M1AP: variants seen among roughly 807,000 people sequenced by gnomAD.
M1AP encodes the protein meiosis 1 arrest protein.
In M1AP, 39 loss-of-function variants were observed where a neutral mutation model predicts 51.2. That is an observed-to-expected ratio of 0.76 (90% CI 0.59 to 1.00). The LOEUF (loss-of-function observed/expected upper bound fraction) is 1.00. Among genes scored for constraint, M1AP ranks in the 50% least tolerant of loss-of-function variants. The pLI is 0.00. For synonymous variants in M1AP, 251 were observed against 249.2 expected (o/e 1.01, Z -0.07); for missense variants, 545 against 641.2 (o/e 0.85, Z 1.62).
intron 4 of M1AP, among the ~76,000 whole-genome samples, chr2:74,587,499 T>C (rs1679783361): frequency 6.6e-6 from 1 of 152,166 alleles, no homozygotes; most frequent in African/African-American, 2.4e-5. Flanking sequence ...CGCCTGGCCA[T>C]ATGTTTTCCT....
In M1AP at chr2:74,615,045, T is replaced by G; in HGVS notation, c.345A>C (p.Ala115=). The change falls in exon 3 of 11, where the codon GCA becomes GCC. Residue 115 remains alanine, a synonymous_variant. Transcript: ENST00000421985. The part of the protein sequence containing the change: ...FRSQGASLRL[A]VEDGLQQFKQ... ...TGAATTGCTGGAGCCCATCCTCTAC[T>G]GCCAGCCGCAGAGAAGCACCTTGTG... 1.2e-6 allele frequency: 2 copies of G among 1,614,176 alleles called. No individual in the cohort carries two copies. Among genetic ancestry groups the G allele is most frequent in the Non-Finnish European group, 1.7e-6 (2 of 1,180,020 alleles).
chr2:74,576,935 G>GAGGAA, intron 5 of M1AP: 1 of 1,105,296 alleles, frequency 9.0e-7, no homozygotes, highest in South Asian at 2.7e-5. Flanking sequence ...GAGACATCTG[G>GAGGAA]CTTGTGATCC....
At chr2:74,644,093 C>T (rs1471785035) in intron 1 of M1AP, among the ~76,000 whole-genome samples, 1 of 152,054 alleles carries the variant, frequency 6.6e-6, no homozygotes, top group Non-Finnish European at 1.5e-5. Context: ...ATGTCCCCAC[C>T]TCTGAGAACT....
chr2:74,642,814 C>T (rs910431457), intron 1 of M1AP, among the ~76,000 whole-genome samples: 1 of 152,148 alleles, frequency 6.6e-6, no homozygotes, highest in African/African-American at 2.4e-5. Flanking sequence ...CTATCGATGA[C>T]AAAGTTTCCC....
At chr2:74,578,479 C>T (rs1327693975) in intron 5 of M1AP, among the ~76,000 whole-genome samples, 3 of 149,280 alleles carry the variant, frequency 2.0e-5, no homozygotes, top group Non-Finnish European at 4.4e-5. Context: ...TTTATAAGTT[C>T]CCCATGTGAT....
At chr2:74,565,825 TCA>T (rs72206117) in intron 7 of M1AP, among the ~76,000 whole-genome samples, 73,425 of 137,716 alleles carry the variant, frequency 0.53, 21,634 homozygotes, top group Non-Finnish European at 0.68. Flanking sequence ...TGAGATGCCG[TCA>T]CACACACACA....
rs363706 is a variant in M1AP, at chr2:74,647,335, A to T, written c.-53+930T>A. On this transcript the variant is annotated intron_variant, in intron 1 of 10. Transcript: ENST00000421985. Reference sequence around the variant, plus strand: ...GCGGATGTTCTGTTCCGTGCTGAGCATTCTAGGTTAGGGCCCCTTTACAAG... The same window carrying T: ...GCGGATGTTCTGTTCCGTGCTGAGCTTTCTAGGTTAGGGCCCCTTTACAAG... 27,569 of 985,152 alleles carry T rather than the reference A, an allele frequency of 0.028. 2,965 individuals carry two copies. In the African/African-American group the frequency reaches 0.31, roughly 11 times the overall value. 61.0% of individuals were successfully genotyped at this position (985,152 alleles called of 1,614,324 possible).
At chr2:74,583,343 G>C (rs1486025369) in intron 4 of M1AP, among the ~76,000 whole-genome samples, 2 of 152,190 alleles carry the variant, frequency 1.3e-5, no homozygotes, top group East Asian at 3.8e-4. Flanking sequence ...TCACAAGTGT[G>C]GTTAACAGCA....
At chr2:74,579,327 G>T (rs1282224876) in intron 5 of M1AP, among the ~76,000 whole-genome samples, 2 of 152,216 alleles carry the variant, frequency 1.3e-5, no homozygotes, top group East Asian at 3.8e-4. Context: ...TAGCCCCTTT[G>T]TTCAGAATTG....
intron 2 of M1AP, among the ~76,000 whole-genome samples, chr2:74,639,331 C>T (rs140699267): frequency 1.1e-3 from 172 of 152,252 alleles, no homozygotes; most frequent in African/African-American, 4.0e-3. Context: ...CATTTGATAA[C>T]GTATATTAGC....
At chr2:74,571,991 C>T (rs1678772290) in intron 7 of M1AP, among the ~76,000 whole-genome samples, 1 of 149,678 alleles carries the variant, frequency 6.7e-6, no homozygotes. Flanking sequence ...GAGCGAAACT[C>T]CGTCTCAAAA....
intron 4 of M1AP, among the ~76,000 whole-genome samples, chr2:74,588,042 ATAGAGGCCCAGGAAAG>A (rs1558662650): frequency 6.6e-6 from 1 of 152,204 alleles, no homozygotes; most frequent in Non-Finnish European, 1.5e-5. Flanking sequence ...CACATAAAAT[ATAGAGGCCCAGGAAAG>A]TAGAGGCCCA....
At chr2:74,630,599 T>C (rs1319200071) in intron 2 of M1AP, among the ~76,000 whole-genome samples, 1 of 152,228 alleles carries the variant, frequency 6.6e-6, no homozygotes, top group Non-Finnish European at 1.5e-5. Flanking sequence ...TTTCTGTTCC[T>C]GTGTTAGTTT....
chr2:74,619,141 A>T (rs1681855786), intron 2 of M1AP: 1 of 274,180 alleles, frequency 3.6e-6, no homozygotes, highest in East Asian at 9.6e-5. Context: ...CAGGTCCTTC[A>T]GCTAAATGTC....
chr2:74,641,986 C>G (rs536435375), intron 1 of M1AP, among the ~76,000 whole-genome samples: 1 of 151,930 alleles, frequency 6.6e-6, no homozygotes, highest in African/African-American at 2.4e-5. Flanking sequence ...GCTGGGATTA[C>G]AGGCATGTGC....
At chr2:74,575,634 C>A (rs1679019527) in intron 6 of M1AP, 55 bp from the exon 7 acceptor site, 2 of 1,368,170 alleles carry the variant, frequency 1.5e-6, no homozygotes, top group South Asian at 2.4e-5. Context: ...GAACCTCCAC[C>A]TAGATCCACT....
At chr2:74,640,369 T>C (rs1297633272) in intron 1 of M1AP, 42 bp from the exon 2 acceptor site, 1 of 1,470,978 alleles carries the variant, frequency 6.8e-7, no homozygotes, top group Non-Finnish European at 9.2e-7. Flanking sequence ...TCAAACTGAA[T>C]TATGTGTGCT....
intron 2 of M1AP, among the ~76,000 whole-genome samples, chr2:74,623,269 C>T (rs1359288419): frequency 2.0e-5 from 3 of 151,838 alleles, no homozygotes; most frequent in South Asian, 2.1e-4. Flanking sequence ...TATGGGAGGC[C>T]GAGGTGGACA....
At chr2:74,565,007 G>C (rs1346908010) in intron 7 of M1AP, among the ~76,000 whole-genome samples, 5 of 152,194 alleles carry the variant, frequency 3.3e-5, no homozygotes, top group Admixed American at 1.3e-4. Flanking sequence ...GATCAACTGA[G>C]GTTAGGAGTT....
Sources: allele counts gnomAD v4.1 joint callset (sites outside exome capture counted in the v4.1 genomes callset), GRCh38; gene constraint gnomAD v4.1.1; transcripts MANE v1.5; gene names NCBI Gene and HGNC (gene_info 2026-07-23, HGNC 2026-07-21).